The following BEND2 variants were observed in gnomAD, a reference collection of about 807,000 sequenced individuals.
BEND2 encodes the protein BEN domain-containing protein 2.
In BEND2, 19 loss-of-function variants were observed where a neutral mutation model predicts 43.8. The observed-to-expected ratio is 0.43, with a 90% confidence interval of 0.30 to 0.64. BEND2 has a LOEUF of 0.64. Ranked by LOEUF, BEND2 falls within the 30% of genes least tolerant of loss-of-function variation. BEND2 has a pLI of 0.11. For missense variants in BEND2, 544 were observed against 574.0 expected (o/e 0.95, Z 0.53); for synonymous variants, 226 against 210.1 (o/e 1.08, Z -0.66).
At chrX:18,203,354 A>G (rs1925226390) in intron 5 of BEND2, 147 bp downstream of exon 5, 1 of 684,027 alleles carries the variant, frequency 1.5e-6, no homozygotes, top group Non-Finnish European at 2.1e-6. Flanking sequence ...ATCTCTCTGT[A>G]TTATTTCTTA....
intron 10 of BEND2, 38 bp downstream of exon 10, chrX:18,177,531 T>G (rs1487116734): frequency 3.5e-6 from 4 of 1,149,201 alleles, no homozygotes; most frequent in Non-Finnish European, 3.6e-6. Flanking sequence ...AAATGATGAT[T>G]AAAAATAAGA....
chrX:18,216,862 T>C, intron 1 of BEND2, 129 bp from the exon 2 acceptor site: 1 of 529,133 alleles, frequency 1.9e-6, no homozygotes, highest in Non-Finnish European at 3.0e-6. Context: ...TATTACATAT[T>C]TTTATATCTG....
At chrX:18,180,727 C>G in intron 8 of BEND2, 77 bp from the exon 9 acceptor site, 1 of 738,968 alleles carries the variant, frequency 1.4e-6, no homozygotes, top group South Asian at 2.9e-5. Flanking sequence ...GAAATACACT[C>G]TCAGACAAAA....
chrX:18,216,846 A>T, intron 1 of BEND2, 113 bp from the exon 2 acceptor site: 1 of 574,372 alleles, frequency 1.7e-6, no homozygotes, highest in Non-Finnish European at 2.7e-6. Context: ...TTTAGCTGAA[A>T]ATTTGTATTA....
intron 10 of BEND2, 92 bp from the exon 11 acceptor site, chrX:18,176,185 G>T: frequency 1.2e-6 from 1 of 804,915 alleles, no homozygotes; most frequent in Non-Finnish European, 1.7e-6. Flanking sequence ...CTTTTAGATG[G>T]TTACATTGTG....
intron 8 of BEND2, among the ~76,000 whole-genome samples, chrX:18,188,983 G>A (rs191081626): frequency 3.7e-5 from 4 of 109,132 alleles, no homozygotes; most frequent in Admixed American, 2.9e-4. Context: ...GGTGGATTAC[G>A]AGGTCAGGAG....
intron 6 of BEND2, among the ~76,000 whole-genome samples, chrX:18,201,409 A>C (rs1384434327): frequency 4.4e-4 from 43 of 96,920 alleles, no homozygotes; most frequent in Non-Finnish European, 7.1e-4. Flanking sequence ...AAAAAAAAAA[A>C]AAAAAAAACA....
At position 18,191,553 on chromosome X, in the gene BEND2, C is replaced by G. The variant is rs1924771240; in HGVS notation, c.1181-445G>C. Among the ~76,000 whole-genome samples, 5 of 112,234 alleles carry G rather than the reference C, an allele frequency of 4.5e-5. No individual in the cohort carries two copies. In the South Asian group the frequency reaches 1.9e-3, roughly 42 times the overall value. On this transcript the variant is annotated intron_variant, in intron 7 of 13. Transcript: ENST00000380033. ...AGAGAAATGAAAGCTTGTGTTCACA[C>G]AAAGCCTATATGGTATATGAGTGTT...
rs765741595 is a variant in BEND2 at position 18,174,034 on chromosome X, T to C, written c.1977A>G (p.Ala659=). 9 of 1,204,204 alleles carry C rather than the reference T, an allele frequency of 7.5e-6. No homozygotes were observed. Among genetic ancestry groups the C allele is most frequent in the Non-Finnish European group, 9.0e-6 (8 of 890,216 alleles). The change falls in exon 12 of 14, where the codon GCA becomes GCG. Residue 659 remains alanine, a synonymous_variant. Coordinates refer to ENST00000380033, the MANE Select transcript of BEND2 (RefSeq NM_153346.5). ...STDNPEEPGE[A]WSYFGRPWRN... ...TAAGTTTTTAAAAAAACTCACTCCA[T>C]GCTTCACCAGGTTCCTCTGGATTAT...
At chrX:18,216,792 G>C (rs781565937) in intron 1 of BEND2, 59 bp from the exon 2 acceptor site, 17 of 898,817 alleles carry the variant, frequency 1.9e-5, no homozygotes, top group Non-Finnish European at 2.7e-5. Context: ...ACAGTTTCTT[G>C]AGGAAGCTAC....
chrX:18,180,081 G>A (rs779664681), intron 9 of BEND2, among the ~76,000 whole-genome samples: 1 of 112,725 alleles, frequency 8.9e-6, no homozygotes, highest in South Asian at 3.7e-4. Flanking sequence ...GGAGGCTAAG[G>A]CAGAAGAATC....
intron 6 of BEND2, among the ~76,000 whole-genome samples, chrX:18,199,562 T>C (rs1925071223): frequency 1.8e-5 from 2 of 111,433 alleles, no homozygotes; most frequent in Admixed American, 9.6e-5. Context: ...ATGGGTAAAG[T>C]ATAAATGGGA....
At chrX:18,188,291 G>C (rs1924639178) in intron 8 of BEND2, among the ~76,000 whole-genome samples, 1 of 111,220 alleles carries the variant, frequency 9.0e-6, no homozygotes, top group African/African-American at 3.3e-5. Flanking sequence ...CTTTAAGCCA[G>C]ACTAACTAAG....
intron 7 of BEND2, 119 bp from the exon 8 acceptor site, chrX:18,191,227 C>T (rs1360093715): frequency 3.8e-6 from 2 of 526,005 alleles, no homozygotes; most frequent in Non-Finnish European, 5.9e-6. Context: ...AAAATAAAGA[C>T]ATTCTCAGAC....
intron 10 of BEND2, among the ~76,000 whole-genome samples, chrX:18,176,628 A>G (rs887056153): frequency 2.7e-5 from 3 of 109,986 alleles, no homozygotes; most frequent in Non-Finnish European, 5.7e-5. Flanking sequence ...GCACCGAGCT[A>G]TGATCAAACC....
In BEND2 at chrX:18,195,528, G is replaced by A. The variant is rs1358052343; in HGVS notation, c.1034-86C>T. The A allele has an allele frequency of 3.3e-5, 31 of 932,802 alleles. No homozygotes were observed. The highest frequency in any genetic ancestry group is 5.4e-5 in the South Asian group (2 of 36,727). The allele number at this position is 932,802 out of a possible 1,213,427, so 76.9% of individuals were successfully genotyped here. A position where few individuals can be genotyped will look rare whatever the true frequency, so the allele number is the denominator to read the frequency against. On this transcript the variant is annotated intron_variant, in intron 6 of 13. Transcript: ENST00000380033. ...TGGAAAAAAGGTAAAGACATTTCTCGAACGAAAGAAAACTAAAAAAATCTG... is the reference window on the plus strand; with the variant it reads ...TGGAAAAAAGGTAAAGACATTTCTCAAACGAAAGAAAACTAAAAAAATCTG...
chrX:18,206,220 A>C (rs2065859445), intron 4 of BEND2, among the ~76,000 whole-genome samples: 1 of 111,370 alleles, frequency 9.0e-6, no homozygotes, highest in African/African-American at 3.3e-5. Context: ...GAGGCTAAGC[A>C]TGCACAGAAG....
chrX:18,198,421 A>G (rs1925030459), intron 6 of BEND2, among the ~76,000 whole-genome samples: 1 of 112,077 alleles, frequency 8.9e-6, no homozygotes, highest in Non-Finnish European at 1.9e-5. Flanking sequence ...TCAAAAGAAG[A>G]CATTTATGCA....
chrX:18,173,479 A>G (rs1272417906), intron 12 of BEND2, among the ~76,000 whole-genome samples: 1 of 112,108 alleles, frequency 8.9e-6, no homozygotes, highest in Non-Finnish European at 1.9e-5. Context: ...TTGCTACTTC[A>G]GATATCACTC....
Sources: allele counts gnomAD v4.1 joint callset (sites outside exome capture counted in the v4.1 genomes callset), GRCh38; gene constraint gnomAD v4.1.1; transcripts MANE v1.5; gene names NCBI Gene and HGNC (gene_info 2026-07-23, HGNC 2026-07-21).